The following TMEM117 variants were observed in gnomAD, a reference collection of about 807,000 sequenced individuals.
TMEM117 encodes transmembrane protein 117.
TMEM117 carries 27 observed loss-of-function variants against 52.4 expected under a neutral mutation model. The ratio of observed to expected loss-of-function variants is 0.51; its 90% CI spans 0.38 to 0.71. The LOEUF (loss-of-function observed/expected upper bound fraction) is 0.71, where lower values mean the gene tolerates loss of function less well. Ranked by LOEUF, TMEM117 falls within the 30% of genes least tolerant of loss-of-function variation. The pLI is 0.00. For missense variants in TMEM117, 556 were observed against 630.5 expected, an observed-to-expected ratio of 0.88 and a Z score of 1.26; for synonymous variants, 215 against 206.3, an observed-to-expected ratio of 1.04 and a Z score of -0.36.
intron 5 of TMEM117, among the ~76,000 whole-genome samples, chr12:44,244,965 G>A (rs1018553721): frequency 7.9e-5 from 12 of 151,956 alleles, no homozygotes; most frequent in African/African-American, 2.7e-4. Flanking sequence ...CTTATTGTAT[G>A]TTCTTGTCTT....
chr12:44,102,176 A>G (rs1170454469), intron 3 of TMEM117, among the ~76,000 whole-genome samples: 2 of 152,080 alleles, frequency 1.3e-5, no homozygotes, highest in Non-Finnish European at 2.9e-5. Flanking sequence ...CCTAGAGGAC[A>G]GACTTAGACC....
At chr12:44,135,406 A>G (rs1948475488) in intron 3 of TMEM117, among the ~76,000 whole-genome samples, 1 of 152,194 alleles carries the variant, frequency 6.6e-6, no homozygotes, top group African/African-American at 2.4e-5. Flanking sequence ...TATTTGTTTA[A>G]TGAATAAATG....
At chr12:44,154,289 C>G (rs1259029680) in intron 4 of TMEM117, among the ~76,000 whole-genome samples, 1 of 152,040 alleles carries the variant, frequency 6.6e-6, no homozygotes, top group African/African-American at 2.4e-5. Context: ...TCAACAGTTT[C>G]TTAAATGCTA....
chr12:43,995,271 A>T (rs1427647029), intron 3 of TMEM117, among the ~76,000 whole-genome samples: 1 of 151,488 alleles, frequency 6.6e-6, no homozygotes, highest in Admixed American at 6.6e-5. Context: ...AAAAAAAAAA[A>T]GGAAATTAAG....
chr12:44,169,636 C>A (rs1949016958), intron 4 of TMEM117, among the ~76,000 whole-genome samples: 1 of 152,174 alleles, frequency 6.6e-6, no homozygotes, highest in Non-Finnish European at 1.5e-5. Flanking sequence ...TTCTTCCATT[C>A]CATGGTTGCC....
chr12:44,398,119 T>A, the TMEM117 span, among the ~76,000 whole-genome samples: 1 of 148,012 alleles, frequency 6.8e-6, no homozygotes. Context: ...GTTTTTTTTT[T>A]AAACCTAAGG....
At chr12:43,909,575 G>C (rs1944457045) in intron 2 of TMEM117, among the ~76,000 whole-genome samples, 1 of 148,658 alleles carries the variant, frequency 6.7e-6, no homozygotes, top group Non-Finnish European at 1.5e-5. Context: ...TTTTTGAAAG[G>C]ATCAACAAAA....
At chr12:44,145,946 C>T (rs1007884405) in intron 4 of TMEM117, among the ~76,000 whole-genome samples, 2 of 152,170 alleles carry the variant, frequency 1.3e-5, no homozygotes, top group Admixed American at 6.5e-5. Context: ...CAATTCTATC[C>T]AATTCTTCCC....
At chr12:44,278,460 T>C (rs1950541155) in intron 5 of TMEM117, among the ~76,000 whole-genome samples, 1 of 152,224 alleles carries the variant, frequency 6.6e-6, no homozygotes, top group Non-Finnish European at 1.5e-5. Context: ...TAACTTTCCT[T>C]TCAAACATAT....
chr12:43,995,009 G>T (rs1005039807), intron 3 of TMEM117, among the ~76,000 whole-genome samples: 2 of 152,128 alleles, frequency 1.3e-5, no homozygotes, highest in Non-Finnish European at 2.9e-5. Context: ...GGGTGTGGTG[G>T]CTCATGCTTG....
At chr12:44,287,795 T>G (rs1644011) in intron 5 of TMEM117, among the ~76,000 whole-genome samples, 4,153 of 152,304 alleles carry the variant, frequency 0.027, 181 homozygotes, top group African/African-American at 0.09. Context: ...ATATGTTACA[T>G]AATTTATAAA....
intron 3 of TMEM117, among the ~76,000 whole-genome samples, chr12:43,984,364 TAACAACAACAAC>T (rs3064367): frequency 4.3e-4 from 63 of 146,108 alleles, no homozygotes; most frequent in South Asian, 1.6e-3. Context: ...TGAGACTCCG[TAACAACAACAAC>T]AACAACAACA....
chr12:44,021,786 G>A (rs1946459280), intron 3 of TMEM117, among the ~76,000 whole-genome samples: 1 of 152,144 alleles, frequency 6.6e-6, no homozygotes, highest in Non-Finnish European at 1.5e-5. Context: ...CTCCCCTGGA[G>A]ATCCCTTGCC....
At chr12:44,302,708 T>C (rs889028531) in intron 6 of TMEM117, among the ~76,000 whole-genome samples, 1 of 152,320 alleles carries the variant, frequency 6.6e-6, no homozygotes, top group East Asian at 1.9e-4. Context: ...CTGAGTCATG[T>C]GCAAACTGTA....
intron 3 of TMEM117, among the ~76,000 whole-genome samples, chr12:44,015,199 T>TA (rs1301613755): frequency 3.9e-5 from 6 of 152,040 alleles, no homozygotes; most frequent in Non-Finnish European, 8.8e-5. Flanking sequence ...ATGCTGGACT[T>TA]AAAAAAATAA....
chr12:43,955,475 A>G (rs1945291999), intron 3 of TMEM117, among the ~76,000 whole-genome samples: 1 of 152,216 alleles, frequency 6.6e-6, no homozygotes, highest in African/African-American at 2.4e-5. Context: ...TGCAGAAATC[A>G]CAAGCATTCC....
intron 2 of TMEM117, among the ~76,000 whole-genome samples, chr12:43,879,510 G>T (rs1404514757): frequency 6.6e-6 from 1 of 152,164 alleles, no homozygotes; most frequent in Non-Finnish European, 1.5e-5. Context: ...TATTGGATGA[G>T]ATTAAGTGTA....
At chr12:44,197,825 A>G (rs1034655432) in intron 4 of TMEM117, among the ~76,000 whole-genome samples, 4 of 152,218 alleles carry the variant, frequency 2.6e-5, no homozygotes, top group Admixed American at 6.5e-5. Flanking sequence ...GTAAATCAGT[A>G]GGGATCCAGC....
intron 6 of TMEM117, among the ~76,000 whole-genome samples, chr12:44,311,859 A>ATATATATGTATATATGTATATATATG (rs1405277249): frequency 2.0e-4 from 22 of 110,466 alleles, no homozygotes; most frequent in African/African-American, 1.2e-3. Flanking sequence ...GTATATATGT[A>ATATATATGTATATATGTATATATATG]TATATATGTA....
Sources: gnomAD v4.1 joint callset for allele counts (sites outside exome capture counted in the v4.1 genomes callset) on GRCh38, gnomAD v4.1.1 for gene constraint, MANE v1.5 for transcripts, NCBI Gene and HGNC (gene_info 2026-07-23, HGNC 2026-07-21) for gene names.